The following FSTL4 variants were observed in gnomAD, a reference collection of about 807,000 sequenced individuals.
The protein encoded by FSTL4 is follistatin-related protein 4.
In FSTL4, 28 loss-of-function variants were observed where a neutral mutation model predicts 78.2. The observed-to-expected ratio is 0.36, with a 90% CI of 0.27 to 0.49. The LOEUF is 0.49. FSTL4 is among the 20% of genes least tolerant of loss of function. The pLI is 0.98. For missense variants in FSTL4, 922 were observed against 1,084.9 expected (o/e 0.85, Z 2.11); for synonymous variants, 422 against 440.5 (o/e 0.96, Z 0.53).
intron 13 of FSTL4, among the ~76,000 whole-genome samples, chr5:133,214,605 C>T (rs1750849596): frequency 1.3e-5 from 2 of 152,204 alleles, no homozygotes; most frequent in Non-Finnish European, 2.9e-5. Context: ...AACCTCCAGG[C>T]TTGACTGAGA....
intron 3 of FSTL4, among the ~76,000 whole-genome samples, chr5:133,490,939 A>C (rs1000535313): frequency 6.6e-6 from 1 of 152,244 alleles, no homozygotes; most frequent in African/African-American, 2.4e-5. Flanking sequence ...AATAGACACC[A>C]GAGCCTACTT....
At chr5:133,756,271 T>G in the FSTL4 span, among the ~76,000 whole-genome samples, 1 of 151,828 alleles carries the variant, frequency 6.6e-6, no homozygotes, top group Non-Finnish European at 1.5e-5. Flanking sequence ...CCAGGGAACC[T>G]GGGTGGCAGG....
At chr5:133,822,638 G>A in the FSTL4 span, among the ~76,000 whole-genome samples, 34 of 152,284 alleles carry the variant, frequency 2.2e-4, no homozygotes, top group African/African-American at 7.9e-4. Context: ...TGAACATTCC[G>A]GGGGCGTCAT....
intron 3 of FSTL4, among the ~76,000 whole-genome samples, chr5:133,562,432 G>A (rs1285943145): frequency 6.6e-6 from 1 of 152,174 alleles, no homozygotes; most frequent in African/African-American, 2.4e-5. Context: ...CCGATTCCAC[G>A]GGTTTTCAGA....
chr5:133,305,624 C>T (rs1300296704), intron 6 of FSTL4, among the ~76,000 whole-genome samples: 1 of 152,198 alleles, frequency 6.6e-6, no homozygotes, highest in Non-Finnish European at 1.5e-5. Context: ...GCCTCTCTAC[C>T]CAGGTGGCAA....
the FSTL4 span, among the ~76,000 whole-genome samples, chr5:133,780,757 C>T: frequency 5.3e-5 from 1 of 18,922 alleles, no homozygotes. Context: ...TTATTATCCT[C>T]ATTTTCCTGT....
intron 6 of FSTL4, among the ~76,000 whole-genome samples, chr5:133,273,294 C>T (rs903771205): frequency 6.6e-6 from 1 of 152,154 alleles, no homozygotes; most frequent in African/African-American, 2.4e-5. Context: ...AGATATTTAC[C>T]TTCTTTTTCC....
At chr5:133,277,408 T>C (rs1752908365) in intron 6 of FSTL4, among the ~76,000 whole-genome samples, 1 of 151,906 alleles carries the variant, frequency 6.6e-6, no homozygotes, top group South Asian at 2.1e-4. Context: ...GCGTCTGAGG[T>C]GCTGGCGGCA....
At chr5:133,492,135 G>A (rs957930110) in intron 3 of FSTL4, among the ~76,000 whole-genome samples, 1 of 151,860 alleles carries the variant, frequency 6.6e-6, no homozygotes, top group Non-Finnish European at 1.5e-5. Context: ...CTGACTTAAC[G>A]CCTAAAGTTT....
chr5:133,303,634 G>A (rs967372323), intron 6 of FSTL4, among the ~76,000 whole-genome samples: 5 of 152,310 alleles, frequency 3.3e-5, no homozygotes, highest in East Asian at 1.9e-4. Context: ...GCTTGTTCCC[G>A]TGCAGCCCAC....
At chr5:133,342,038 A>G (rs1754593651) in intron 4 of FSTL4, among the ~76,000 whole-genome samples, 1 of 152,212 alleles carries the variant, frequency 6.6e-6, no homozygotes. Context: ...CAACTCGCAC[A>G]GACCCCACAC....
intron 3 of FSTL4, among the ~76,000 whole-genome samples, chr5:133,483,139 T>C (rs1231717276): frequency 6.6e-6 from 1 of 152,128 alleles, no homozygotes; most frequent in African/African-American, 2.4e-5. Context: ...TAAAGGGCAG[T>C]TCCCCTGCAC....
the FSTL4 span, among the ~76,000 whole-genome samples, chr5:133,773,519 A>G: frequency 1.3e-5 from 2 of 152,160 alleles, no homozygotes; most frequent in East Asian, 1.9e-4. Context: ...CTAGGCAGCA[A>G]TTTAACAGGA....
the FSTL4 span, among the ~76,000 whole-genome samples, chr5:133,654,072 G>A: frequency 7.2e-5 from 11 of 152,326 alleles, no homozygotes; most frequent in East Asian, 2.1e-3. Context: ...CTAGGCAAAT[G>A]GTCTGGCAGT....
intron 3 of FSTL4, among the ~76,000 whole-genome samples, chr5:133,497,882 A>G (rs1349217531): frequency 6.6e-6 from 1 of 152,212 alleles, no homozygotes; most frequent in East Asian, 1.9e-4. Flanking sequence ...GGAAATTCGC[A>G]TGAAAGATTT....
intron 4 of FSTL4, among the ~76,000 whole-genome samples, chr5:133,323,676 C>T (rs1754129602): frequency 6.6e-6 from 1 of 152,230 alleles, no homozygotes; most frequent in East Asian, 1.9e-4. Context: ...ACAGGGCTGG[C>T]CTGGCCAGCC....
the FSTL4 span, among the ~76,000 whole-genome samples, chr5:133,765,012 C>T: frequency 2.0e-5 from 3 of 152,214 alleles, no homozygotes; most frequent in Non-Finnish European, 4.4e-5. Context: ...GCGCTTTATG[C>T]CGTCCCTATG....
chr5:133,199,103 C>T lies in FSTL4; in HGVS notation c.2521G>A (p.Glu841Lys). Residue 841 changes from glutamate to lysine, a missense_variant, in exon 16 of 16, where the codon GAG (glutamate) becomes AAG (lysine). Physicochemically the swap from Glu to Lys is moderately conservative, Grantham distance 56 (BLOSUM62 1). Coordinates refer to ENST00000265342, the MANE Select transcript of FSTL4 (RefSeq NM_015082.2). The surrounding 1 kb of genome is among the most constrained non-coding windows in gnomAD (Gnocchi z 4.4). ...GCTCTGCTCTGGGCCCTTCATACCT[C>T]ACCCACCCACACCACTGTGGTCCCC... ...KGGTTVVWVG[E>K]V 2 of 1,538,760 alleles carry T rather than the reference C, an allele frequency of 1.3e-6. No homozygotes were observed. Among genetic ancestry groups the T allele is most frequent in the Non-Finnish European group, 1.8e-6 (2 of 1,138,804 alleles).
intron 3 of FSTL4, among the ~76,000 whole-genome samples, chr5:133,505,010 T>C (rs1180700978): frequency 6.6e-6 from 1 of 152,240 alleles, no homozygotes; most frequent in Admixed American, 6.5e-5. Context: ...ATGCAGAATA[T>C]ATTTTTTAAG....
Sources: allele counts gnomAD v4.1 joint callset (sites outside exome capture counted in the v4.1 genomes callset), GRCh38; gene constraint gnomAD v4.1.1; non-coding constraint Gnocchi (gnomAD v3.1); transcripts MANE v1.5; gene names NCBI Gene and HGNC (gene_info 2026-07-23, HGNC 2026-07-21).